Variants in RIC1 observed in about 807,000 individuals in gnomAD.
RIC1 encodes the protein RIC1 partner of RAB6A GEF complex.
A neutral mutation model predicts 169.0 loss-of-function variants in RIC1; 88 were observed. The ratio of observed to expected loss-of-function variants is 0.52; its 90% CI spans 0.44 to 0.62. The LOEUF (loss-of-function observed/expected upper bound fraction) is 0.62. RIC1 is among the 20% of genes least tolerant of loss of function. RIC1 has a pLI of 0.00. For synonymous variants in RIC1, 790 were observed against 601.5 expected (o/e 1.31, Z -4.59); for missense variants, 1,877 against 1,725.5 (o/e 1.09, Z -1.56).
chr9:5,687,410 T>C (rs1821315383), intron 2 of RIC1, among the ~76,000 whole-genome samples: 1 of 152,204 alleles, frequency 6.6e-6, no homozygotes. Context: ...TAGTTTAATT[T>C]GTTTCTAGTT....
chr9:5,754,004 A>G (rs774291487), intron 14 of RIC1, among the ~76,000 whole-genome samples: 81 of 152,298 alleles, frequency 5.3e-4, no homozygotes, highest in Middle Eastern at 6.8e-3. Context: ...TGTGTGATGT[A>G]TATGGGATAG....
chr9:5,636,526 G>C (rs1817981253), intron 1 of RIC1, among the ~76,000 whole-genome samples: 1 of 151,968 alleles, frequency 6.6e-6, no homozygotes, highest in South Asian at 2.1e-4. Context: ...CACCATGTTG[G>C]CCAGGCTGGT....
chr9:5,730,250 A>C (rs1400572839), intron 6 of RIC1, among the ~76,000 whole-genome samples: 2 of 152,190 alleles, frequency 1.3e-5, no homozygotes, highest in Admixed American at 1.3e-4. Flanking sequence ...GAGGACTAAA[A>C]GAGCTGGAGA....
chr9:5,739,323 C>T (rs922203419), intron 8 of RIC1, among the ~76,000 whole-genome samples: 2 of 152,086 alleles, frequency 1.3e-5, no homozygotes, highest in South Asian at 2.1e-4. Flanking sequence ...TTTTAACTCC[C>T]CGAGCTGCAG....
intron 1 of RIC1, among the ~76,000 whole-genome samples, chr9:5,634,187 A>C (rs73390661): frequency 0.027 from 4,088 of 152,278 alleles, 202 homozygotes; most frequent in African/African-American, 0.094. Context: ...ATAATGCTGC[A>C]ATGAATATGA....
intron 1 of RIC1, among the ~76,000 whole-genome samples, chr9:5,649,636 A>G (rs1240005284): frequency 6.6e-6 from 1 of 151,008 alleles, no homozygotes; most frequent in African/African-American, 2.4e-5. Flanking sequence ...GAGTGTCTTT[A>G]GTATTATTTT....
chr9:5,777,138 T>C (rs1193498201), downstream of RIC1, among the ~76,000 whole-genome samples: 1 of 152,144 alleles, frequency 6.6e-6, no homozygotes, highest in African/African-American at 2.4e-5. Context: ...GTAGGATTAT[T>C]AGCCATTTGT....
At position 5,774,394 on chromosome 9, in the gene RIC1, CT is replaced by C; in HGVS notation, c.*149del. 1.6e-6 allele frequency: 1 copy of C among 615,092 alleles called. No homozygotes were observed. Among genetic ancestry groups the C allele is most frequent in the Non-Finnish European group, 2.5e-6 (1 of 392,544 alleles). 38.1% of individuals were successfully genotyped at this position (615,092 alleles called of 1,614,324 possible). A position where few individuals can be genotyped will look rare whatever the true frequency, so the allele number is the denominator to read the frequency against. The stretch of plus-strand genomic sequence containing the variant: ...TAGATTTTAACTAATTCTTTCTTGT[CT>C]AAGAAATCTTTTTGACTCCATAAAA... On this transcript the variant is annotated 3_prime_UTR_variant, in exon 26 of 26. Transcript: ENST00000414202.
At chr9:5,758,064 G>C (rs1826112051) in intron 17 of RIC1, among the ~76,000 whole-genome samples, 1 of 152,190 alleles carries the variant, frequency 6.6e-6, no homozygotes, top group Non-Finnish European at 1.5e-5. Flanking sequence ...GAGCAACTGG[G>C]AGGTCATTGT....
At chr9:5,630,315 C>A (rs775005235) in intron 1 of RIC1, among the ~76,000 whole-genome samples, 5 of 152,190 alleles carry the variant, frequency 3.3e-5, no homozygotes, top group Middle Eastern at 3.2e-3. Context: ...CGACAGAGTT[C>A]AGAGTATAAA....
intron 3 of RIC1, among the ~76,000 whole-genome samples, chr9:5,710,896 G>C (rs1201510228): frequency 6.6e-6 from 1 of 152,068 alleles, no homozygotes; most frequent in East Asian, 1.9e-4. Context: ...ACAAGAATAA[G>C]AGAGAAAAGA....
At position 5,661,266 on chromosome 9, in the gene RIC1, A is replaced by G. The variant is rs139939412; in HGVS notation, c.252+4576A>G. 4.0e-4 allele frequency among the ~76,000 whole-genome samples: 61 copies of G among 152,266 alleles called. No homozygotes were observed. In the East Asian group the frequency reaches 0.01, roughly 26 times the overall value. ...GTGTTACAGTTTTAAGTCAGGTAGC[A>G]TGATGCCTCTGGCCTTGTTCTTTTT... On this transcript the variant is annotated intron_variant, in intron 2 of 25. Transcript: ENST00000414202.
At chr9:5,683,300 A>G (rs1048035579) in intron 2 of RIC1, among the ~76,000 whole-genome samples, 2 of 152,002 alleles carry the variant, frequency 1.3e-5, no homozygotes, top group Non-Finnish European at 2.9e-5. Context: ...GTCTTTGATG[A>G]TGGTGACGTA....
chr9:5,653,315 C>G (rs912158566), intron 1 of RIC1, among the ~76,000 whole-genome samples: 1 of 152,210 alleles, frequency 6.6e-6, no homozygotes, highest in African/African-American at 2.4e-5. Flanking sequence ...TAATACCACA[C>G]TTTCTTGACT....
intron 9 of RIC1, among the ~76,000 whole-genome samples, 172 bp downstream of exon 9, chr9:5,743,185 A>T (rs1305715376): frequency 6.6e-6 from 1 of 152,188 alleles, no homozygotes; most frequent in African/African-American, 2.4e-5. Flanking sequence ...TTCATTTTTT[A>T]AAAAATGTAC....
At chr9:5,716,765 G>A (rs114447385) in intron 4 of RIC1, among the ~76,000 whole-genome samples, 2,041 of 152,280 alleles carry the variant, frequency 0.013, 57 homozygotes, top group African/African-American at 0.047. Flanking sequence ...AAACACTTAG[G>A]TGACTTGGGG....
At chr9:5,754,210 A>G (rs1322347974) in intron 14 of RIC1, among the ~76,000 whole-genome samples, 5 of 152,354 alleles carry the variant, frequency 3.3e-5, no homozygotes, top group African/African-American at 1.2e-4. Context: ...ACACACACAC[A>G]CACACAAACT....
intron 8 of RIC1, among the ~76,000 whole-genome samples, chr9:5,741,848 T>C (rs1825101188): frequency 1.3e-5 from 2 of 152,286 alleles, no homozygotes; most frequent in South Asian, 2.1e-4. Flanking sequence ...TGAGAGCCGA[T>C]TGTTTTCCTT....
chr9:5,653,722 C>T (rs756504349), intron 1 of RIC1, among the ~76,000 whole-genome samples: 16 of 151,966 alleles, frequency 1.1e-4, no homozygotes, highest in Non-Finnish European at 1.8e-4. Flanking sequence ...CTCAGCCTCC[C>T]GAGTAGCTGT....
Sources: allele counts gnomAD v4.1 joint callset (sites outside exome capture counted in the v4.1 genomes callset), GRCh38; gene constraint gnomAD v4.1.1; transcripts MANE v1.5; gene names NCBI Gene and HGNC (gene_info 2026-07-23, HGNC 2026-07-21).